The following STRBP variants were observed in gnomAD, a reference collection of about 807,000 sequenced individuals.
STRBP encodes the protein spermatid perinuclear RNA binding protein, also known as spermatid perinuclear RNA-binding protein.
STRBP carries 13 observed loss-of-function variants against 80.1 expected under a neutral mutation model. The observed-to-expected ratio is 0.16, with a 90% confidence interval of 0.11 to 0.26. The LOEUF is 0.26. Among genes scored for constraint, STRBP ranks in the 10% least tolerant of loss-of-function variants. The pLI, the probability that STRBP is intolerant of heterozygous loss-of-function variation, is 1.00. For synonymous variants in STRBP, 284 were observed against 291.2 expected (o/e 0.98, Z 0.25); for missense variants, 485 against 815.2 (o/e 0.59, Z 4.93).
chr9:123,256,797 C>A (rs983795227), intron 1 of STRBP, among the ~76,000 whole-genome samples: 1 of 152,008 alleles, frequency 6.6e-6, no homozygotes, highest in African/African-American at 2.4e-5. Flanking sequence ...CTAAACTGCG[C>A]ATCCTTCAGA....
At chr9:123,153,117 T>C (rs2037130472) in intron 11 of STRBP, among the ~76,000 whole-genome samples, 2 of 151,866 alleles carry the variant, frequency 1.3e-5, no homozygotes, top group South Asian at 2.1e-4. Context: ...AGGAGGTGAC[T>C]GCAATAATCC....
At chr9:123,137,772 G>A (rs112513088) in intron 14 of STRBP, among the ~76,000 whole-genome samples, 11 of 152,124 alleles carry the variant, frequency 7.2e-5, no homozygotes, top group East Asian at 1.9e-4. Context: ...AAAGTATTCC[G>A]TGCAGTTTGG....
At position 123,246,323 on chromosome 9, in the gene STRBP, T is replaced by C. The variant is rs375376908; in HGVS notation, c.-301-9357A>G. ...CTAAATGTCACATAAGAACACCATA[T>C]ACACCCAAACAAACCCACATACCAC... On this transcript the variant is annotated intron_variant, in intron 1 of 18. Coordinates refer to ENST00000348403, the MANE Select transcript of STRBP (RefSeq NM_018387.5). Among the ~76,000 whole-genome samples the C allele has an allele frequency of 6.6e-5, 10 of 152,282 alleles. No individual in the cohort carries two copies. In the East Asian group the frequency reaches 1.9e-3, roughly 29 times the overall value.
At chr9:123,200,016 CT>C (rs2039256134) in intron 2 of STRBP, among the ~76,000 whole-genome samples, 4 of 152,238 alleles carry the variant, frequency 2.6e-5, no homozygotes, top group Admixed American at 6.5e-5. Context: ...TCATAGACGG[CT>C]TTTATTATTT....
intron 11 of STRBP, among the ~76,000 whole-genome samples, chr9:123,152,412 C>T (rs919294503): frequency 6.6e-6 from 1 of 151,784 alleles, no homozygotes; most frequent in African/African-American, 2.4e-5. Flanking sequence ...AATATACACA[C>T]GTGTATATAT....
chr9:123,234,425 T>C (rs1487065973), intron 2 of STRBP, among the ~76,000 whole-genome samples: 1 of 150,128 alleles, frequency 6.7e-6, no homozygotes, highest in Non-Finnish European at 1.5e-5. Flanking sequence ...TTAAAACTGG[T>C]CAAAAAGACT....
chr9:123,264,402 A>T (rs80042908), intron 1 of STRBP, among the ~76,000 whole-genome samples: 1 of 152,368 alleles, frequency 6.6e-6, no homozygotes, highest in Non-Finnish European at 1.5e-5. Flanking sequence ...TCTCTTTCAC[A>T]TAAGTTTCAT....
Position 123,115,311 on chromosome 9 carries a change from C to T in STRBP, c.*84+618G>A. Reference sequence around the variant, plus strand: ...TAAATTACTCAGTAAGCACTTCTCTCCTGAGGCCTGGCTCCTCTCCTGCCC... The same window carrying T: ...TAAATTACTCAGTAAGCACTTCTCTTCTGAGGCCTGGCTCCTCTCCTGCCC... On this transcript the variant is annotated intron_variant and NMD_transcript_variant, in intron 3 of 3. Coordinates refer to the STRBP transcript ENST00000471564. This position sits in a 1 kb window ranked among gnomAD's most constrained non-coding sequence, Gnocchi z 5.0. The T allele has an allele frequency of 6.4e-6, 3 of 471,164 alleles. No homozygotes were observed. The allele number at this position is 471,164 out of a possible 1,614,324, so 29.2% of individuals were successfully genotyped here.
At chr9:123,195,115 AAAAACAAAAAAC>A (rs1463052318) in intron 2 of STRBP, among the ~76,000 whole-genome samples, 3 of 152,162 alleles carry the variant, frequency 2.0e-5, no homozygotes, top group Admixed American at 2.0e-4. Flanking sequence ...CTAATGCATC[AAAAACAAAAAAC>A]AAAACAAAAC....
chr9:123,255,399 G>A (rs532271440), intron 1 of STRBP, among the ~76,000 whole-genome samples: 2 of 152,320 alleles, frequency 1.3e-5, no homozygotes, highest in Non-Finnish European at 2.9e-5. Flanking sequence ...AGGTGATCAA[G>A]GTTACTAGTT....
intron 2 of STRBP, among the ~76,000 whole-genome samples, chr9:123,200,580 T>C (rs1456872680): frequency 2.0e-5 from 3 of 149,910 alleles, no homozygotes; most frequent in Non-Finnish European, 3.0e-5. Context: ...CTTTTTTTTT[T>C]TTTTTGAGAC....
chr9:123,142,988 G>A (rs911885271), intron 13 of STRBP, among the ~76,000 whole-genome samples: 1 of 152,206 alleles, frequency 6.6e-6, no homozygotes, highest in Non-Finnish European at 1.5e-5. Context: ...CTGGAAGAGG[G>A]CAGAGGTTAG....
intron 2 of STRBP, among the ~76,000 whole-genome samples, chr9:123,213,388 T>A (rs1204167580): frequency 6.6e-6 from 1 of 152,162 alleles, no homozygotes; most frequent in African/African-American, 2.4e-5. Context: ...CTTGATAACT[T>A]TATTAAGGCA....
intron 2 of STRBP, among the ~76,000 whole-genome samples, chr9:123,191,123 G>T (rs952522998): frequency 1.3e-5 from 2 of 152,198 alleles, no homozygotes; most frequent in African/African-American, 4.8e-5. Flanking sequence ...CAGTACGTTA[G>T]AAGGTGTGAA....
chr9:123,114,303 C>G (rs1477573004), intron 3 of STRBP: 2 of 167,200 alleles, frequency 1.2e-5, no homozygotes, highest in Non-Finnish European at 2.9e-5. Flanking sequence ...CTCCGGTCAC[C>G]TCACAAGTTC....
At chr9:123,220,167 T>C (rs979072016) in intron 2 of STRBP, among the ~76,000 whole-genome samples, 2 of 152,234 alleles carry the variant, frequency 1.3e-5, no homozygotes, top group Non-Finnish European at 1.5e-5. Context: ...TGAACAGTTA[T>C]AACATTATTT....
Position 123,267,475 on chromosome 9 carries a change from C to T in STRBP, c.-302+961G>A, listed in dbSNP as rs767650764. The stretch of plus-strand genomic sequence containing the variant: ...TCTTCCCTGAGCACCAGATACCTGC[C>T]TTTTTATCCTTACATGTCAACCCCC... On this transcript the variant is annotated intron_variant, in intron 1 of 18. Coordinates refer to ENST00000348403, the MANE Select transcript of STRBP (RefSeq NM_018387.5). Among the ~76,000 whole-genome samples the T allele has an allele frequency of 6.6e-5, 10 of 151,912 alleles. No individual in the cohort carries two copies. The East Asian group carries it at 1.9e-3, about 30-fold the overall frequency.
At chr9:123,268,122 C>CA (rs974939517) in intron 1 of STRBP, among the ~76,000 whole-genome samples, 1 of 151,746 alleles carries the variant, frequency 6.6e-6, no homozygotes, top group Admixed American at 6.6e-5. Context: ...CCGCGTCCCC[C>CA]AACCCTGCCC....
chr9:123,236,570 T>A (rs1052404679), intron 2 of STRBP, among the ~76,000 whole-genome samples: 10 of 151,810 alleles, frequency 6.6e-5, no homozygotes, highest in Non-Finnish European at 1.5e-4. Context: ...GCCAGCATAG[T>A]ATATTGGACA....
Sources: allele counts gnomAD v4.1 joint callset (sites outside exome capture counted in the v4.1 genomes callset), GRCh38; gene constraint gnomAD v4.1.1; non-coding constraint Gnocchi (gnomAD v3.1); transcripts MANE v1.5; gene names NCBI Gene and HGNC (gene_info 2026-07-23, HGNC 2026-07-21).